ZYG11B: variants seen among roughly 807,000 people sequenced by gnomAD.
ZYG11B encodes protein zyg-11 homolog B.
In ZYG11B, 36 loss-of-function variants were observed where a neutral mutation model predicts 82.4. The ratio of observed to expected loss-of-function variants is 0.44; its 90% confidence interval spans 0.33 to 0.58. ZYG11B has a LOEUF of 0.58. Among genes scored for constraint, ZYG11B ranks in the 20% least tolerant of loss-of-function variants. ZYG11B has a pLI of 0.02. For synonymous variants in ZYG11B, 303 were observed against 312.8 expected (o/e 0.97, Z 0.33); for missense variants, 552 against 895.6 (o/e 0.62, Z 4.90).
chr1:52,762,577 A>T (rs1644641410), intron 2 of ZYG11B, among the ~76,000 whole-genome samples: 1 of 150,886 alleles, frequency 6.6e-6, no homozygotes, highest in South Asian at 2.1e-4. Flanking sequence ...ACTATATTTT[A>T]TTTTTTTCAT....
At chr1:52,789,642 G>T (rs574505347) in intron 5 of ZYG11B, among the ~76,000 whole-genome samples, 1 of 152,046 alleles carries the variant, frequency 6.6e-6, no homozygotes, top group Non-Finnish European at 1.5e-5. Context: ...AAGCAGGCTC[G>T]TCTATATTTG....
chr1:52,756,987 T>G (rs1644583543), intron 2 of ZYG11B, among the ~76,000 whole-genome samples: 1 of 151,610 alleles, frequency 6.6e-6, no homozygotes, highest in Non-Finnish European at 1.5e-5. Flanking sequence ...CTGGCTAATT[T>G]CAACATTTTT....
intron 2 of ZYG11B, among the ~76,000 whole-genome samples, chr1:52,761,589 A>G (rs775170107): frequency 6.6e-6 from 1 of 152,202 alleles, no homozygotes; most frequent in Non-Finnish European, 1.5e-5. Context: ...TTCATCTGTT[A>G]TTGGACACAT....
In ZYG11B at chr1:52,784,979, A is replaced by G. The variant is rs1644901235; in HGVS notation, c.1195A>G (p.Met399Val). 6.2e-7 allele frequency: 1 copy of G among 1,614,170 alleles called. No individual in the cohort carries two copies. Among genetic ancestry groups the G allele is most frequent in the Non-Finnish European group, 8.5e-7 (1 of 1,180,016 alleles). ...NLTKQDLAAG[M>V]PVRLLADVTH... ...AACCAAGCAGGATCTTGCTGCAGGG[A>G]TGCCTGTCCGACTCCTGGCTGATGT... Residue 399 changes from methionine to valine, a missense_variant, in exon 5 of 14, where the codon ATG becomes GTG. Around this residue, in one of 3 missense-constraint regions of ZYG11B, gnomAD observed 359 missense variants for 555.8 expected, o/e 0.65. Transcript: ENST00000294353.
chr1:52,743,616 C>T (rs984201667), intron 1 of ZYG11B, among the ~76,000 whole-genome samples: 1 of 151,980 alleles, frequency 6.6e-6, no homozygotes, highest in South Asian at 2.1e-4. Context: ...ATTCCAAAGG[C>T]TAAGGTGAGA....
At chr1:52,809,681 T>C (rs1270764162) in intron 10 of ZYG11B, among the ~76,000 whole-genome samples, 2 of 152,188 alleles carry the variant, frequency 1.3e-5, no homozygotes, top group East Asian at 3.8e-4. Context: ...CCGCTTGTTA[T>C]TTTCCTTTTT....
intron 13 of ZYG11B, among the ~76,000 whole-genome samples, chr1:52,817,925 C>T (rs1047836184): frequency 2.8e-5 from 4 of 141,066 alleles, no homozygotes; most frequent in Admixed American, 7.3e-5. Flanking sequence ...ACACCCTCCA[C>T]CTCCCAGGTT....
intron 5 of ZYG11B, among the ~76,000 whole-genome samples, chr1:52,786,689 G>T (rs1644915373): frequency 6.6e-6 from 1 of 152,202 alleles, no homozygotes; most frequent in Non-Finnish European, 1.5e-5. Context: ...TCCATATGTT[G>T]AGGAATTGTT....
At chr1:52,783,805 T>TATAC (rs74185908) in intron 4 of ZYG11B, among the ~76,000 whole-genome samples, 174 of 134,954 alleles carry the variant, frequency 1.3e-3, no homozygotes, top group East Asian at 9.5e-3. Flanking sequence ...TATATATATA[T>TATAC]ACACACACAC....
At chr1:52,788,295 C>A (rs1644930250) in intron 5 of ZYG11B, among the ~76,000 whole-genome samples, 1 of 152,092 alleles carries the variant, frequency 6.6e-6, no homozygotes, top group South Asian at 2.1e-4. Context: ...TCTAGCTGGG[C>A]GGAAATTGAA....
At chr1:52,742,469 A>C (rs368360764) in intron 1 of ZYG11B, among the ~76,000 whole-genome samples, 1 of 151,826 alleles carries the variant, frequency 6.6e-6, no homozygotes, top group African/African-American at 2.4e-5. Context: ...AATAAAAGAT[A>C]GAAAAAGAGA....
chr1:52,820,136 G>A (rs1308851838), intron 13 of ZYG11B, among the ~76,000 whole-genome samples: 1 of 151,074 alleles, frequency 6.6e-6, no homozygotes, highest in African/African-American at 2.4e-5. Context: ...GGATGGTCTC[G>A]ATCTCCTGAC....
rs1349641043 is a variant in ZYG11B at position 52,801,815 on chromosome 1, TC to T, written c.1486-3del. The T allele has an allele frequency of 1.0e-5, 16 of 1,573,346 alleles. No homozygotes were observed. In the East Asian group the frequency reaches 1.6e-4, roughly 16 times the overall value. ...AAACTTATTTCTGTTTTTTTTTTTT[TC>T]AGCAACTTCTTCAAATAGTGAAGCA... On this transcript the variant is annotated splice_region_variant and splice_polypyrimidine_tract_variant and intron_variant, in intron 8 of 13. Transcript: ENST00000294353.
chr1:52,770,969 G>A (rs1364897582), intron 2 of ZYG11B, 51 bp from the exon 3 acceptor site: 1 of 1,545,610 alleles, frequency 6.5e-7, no homozygotes, highest in Middle Eastern at 1.8e-4. Flanking sequence ...GGAAATTTTG[G>A]CTATTCTTTA....
At chr1:52,819,017 C>T (rs972094578) in intron 13 of ZYG11B, among the ~76,000 whole-genome samples, 1 of 152,070 alleles carries the variant, frequency 6.6e-6, no homozygotes, top group Admixed American at 6.6e-5. Context: ...TGGTCTCGAA[C>T]TCACCCGCCT....
chr1:52,771,119 G>A lies in ZYG11B; in HGVS notation c.296G>A (p.Arg99Gln), dbSNP rs371537009. Reference sequence around the variant, plus strand: ...GCAAAGATCTCTGCTGTTGCTTTCCGGAAAGCTTTCTGCCACCACAAGTTA... The same window carrying A: ...GCAAAGATCTCTGCTGTTGCTTTCCAGAAAGCTTTCTGCCACCACAAGTTA... ...RKAKISAVAF[R>Q]KAFCHHKLVE... Residue 99 changes from arginine to glutamine, a missense_variant, in exon 3 of 14, where the codon CGG (arginine) becomes CAG (glutamine). Physicochemically the swap from Arg to Gln is conservative, Grantham distance 43. This residue lies in a region of ZYG11B where 359 missense variants were observed against 555.8 expected (regional missense o/e 0.65). Coordinates refer to ENST00000294353, the MANE Select transcript of ZYG11B (RefSeq NM_024646.3). This position sits in a 1 kb window ranked among gnomAD's most constrained non-coding sequence, Gnocchi z 5.4. 5.5e-5 allele frequency: 88 copies of A among 1,614,048 alleles called. No homozygotes were observed. The African/African-American group carries it at 5.5e-4, about 10-fold the overall frequency.
intron 5 of ZYG11B, among the ~76,000 whole-genome samples, chr1:52,788,236 A>G (rs1473537242): frequency 6.6e-6 from 1 of 152,158 alleles, no homozygotes; most frequent in Non-Finnish European, 1.5e-5. Flanking sequence ...ATTTAAAGAA[A>G]ATTCCTAAAT....
intron 6 of ZYG11B, among the ~76,000 whole-genome samples, chr1:52,793,704 G>T (rs1644978218): frequency 6.6e-6 from 1 of 152,102 alleles, no homozygotes; most frequent in Non-Finnish European, 1.5e-5. Context: ...TCATACTTGT[G>T]GGCATGTGTG....
chr1:52,817,816 T>TATATATATATATA (rs1160186535), intron 13 of ZYG11B, among the ~76,000 whole-genome samples: 7 of 8,124 alleles, frequency 8.6e-4, no homozygotes, highest in Admixed American at 2.1e-3. Context: ...TATATATATA[T>TATATATATATATA]TTTTTTTTTT....
Sources: allele counts gnomAD v4.1 joint callset (sites outside exome capture counted in the v4.1 genomes callset), GRCh38; gene constraint gnomAD v4.1.1; regional missense constraint gnomAD v4.1.1; non-coding constraint Gnocchi (gnomAD v3.1); transcripts MANE v1.5; gene names NCBI Gene and HGNC (gene_info 2026-07-23, HGNC 2026-07-21).